Variants in KHDRBS2 observed in about 807,000 individuals in gnomAD.
KHDRBS2 encodes KH domain-containing, RNA-binding, signal transduction-associated protein 2.
KHDRBS2 carries 26 observed loss-of-function variants against 44.3 expected under a neutral mutation model. The observed-to-expected ratio is 0.59, with a 90% confidence interval of 0.43 to 0.81. The LOEUF (loss-of-function observed/expected upper bound fraction) is 0.81. KHDRBS2 is among the 40% of genes least tolerant of loss of function. KHDRBS2 has a pLI of 0.00. For missense variants in KHDRBS2, 476 were observed against 433.1 expected, an observed-to-expected ratio of 1.10 and a Z score of -0.88; for synonymous variants, 194 against 151.1, an observed-to-expected ratio of 1.28 and a Z score of -2.08.
At chr6:62,176,422 G>C (rs1257553084) in intron 2 of KHDRBS2, among the ~76,000 whole-genome samples, 1 of 151,246 alleles carries the variant, frequency 6.6e-6, no homozygotes, top group Non-Finnish European at 1.5e-5. Flanking sequence ...TGGTAAACCA[G>C]AGCATTTATT....
intron 5 of KHDRBS2, among the ~76,000 whole-genome samples, chr6:61,895,775 A>G (rs575782683): frequency 1.3e-5 from 2 of 152,116 alleles, no homozygotes; most frequent in East Asian, 1.9e-4. Flanking sequence ...AGCTTTGGGG[A>G]AAAAAATGAT....
chr6:61,899,522 T>C (rs1353783157), intron 5 of KHDRBS2, among the ~76,000 whole-genome samples: 4 of 151,962 alleles, frequency 2.6e-5, no homozygotes, highest in Non-Finnish European at 5.9e-5. Context: ...TAAGAAGATA[T>C]ATTAAAATCC....
intron 2 of KHDRBS2, among the ~76,000 whole-genome samples, chr6:62,175,844 C>T (rs1275701764): frequency 6.6e-6 from 1 of 151,416 alleles, no homozygotes; most frequent in Non-Finnish European, 1.5e-5. Context: ...ACTTAAAGAG[C>T]CATCAAGACT....
chr6:61,997,932 A>C (rs1777525769), intron 3 of KHDRBS2, among the ~76,000 whole-genome samples: 1 of 152,210 alleles, frequency 6.6e-6, no homozygotes, highest in Admixed American at 6.6e-5. Flanking sequence ...ATGACTAAGA[A>C]AAATGCTTAG....
At chr6:61,825,628 G>A (rs554738) in intron 6 of KHDRBS2, among the ~76,000 whole-genome samples, 3 of 151,990 alleles carry the variant, frequency 2.0e-5, no homozygotes, top group African/African-American at 4.8e-5. Flanking sequence ...CATAGTTACC[G>A]TTTAAAATTT....
intron 2 of KHDRBS2, among the ~76,000 whole-genome samples, chr6:62,074,569 A>G (rs1172586904): frequency 6.6e-6 from 1 of 151,898 alleles, no homozygotes; most frequent in African/African-American, 2.4e-5. Context: ...TACCTTCTAC[A>G]TATTTATACT....
At chr6:62,102,794 G>A (rs1461081811) in intron 2 of KHDRBS2, among the ~76,000 whole-genome samples, 2 of 152,148 alleles carry the variant, frequency 1.3e-5, no homozygotes, top group Admixed American at 1.3e-4. Flanking sequence ...CTGGGAGTGT[G>A]TCACTGCTTG....
intron 1 of KHDRBS2, among the ~76,000 whole-genome samples, chr6:62,218,796 AAG>A (rs1830427295): frequency 6.6e-6 from 1 of 151,908 alleles, no homozygotes. Flanking sequence ...TAACTGGATA[AAG>A]AAAATGAAGT....
the KHDRBS2 span, among the ~76,000 whole-genome samples, chr6:61,632,779 C>T: frequency 2.0e-5 from 3 of 151,956 alleles, no homozygotes; most frequent in South Asian, 4.2e-4. Context: ...CGCTGCCACA[C>T]GAAAATTAAC....
At chr6:62,272,770 A>T (rs1207119121) in intron 1 of KHDRBS2, among the ~76,000 whole-genome samples, 2 of 152,186 alleles carry the variant, frequency 1.3e-5, no homozygotes, top group African/African-American at 4.8e-5. Context: ...GTCCTATAAA[A>T]GGAGTCAGAA....
chr6:62,121,957 A>G (rs983033320), intron 2 of KHDRBS2, among the ~76,000 whole-genome samples: 3 of 152,084 alleles, frequency 2.0e-5, no homozygotes, highest in African/African-American at 7.2e-5. Context: ...GGCCCCTACT[A>G]CCACCAAGAA....
intron 1 of KHDRBS2, among the ~76,000 whole-genome samples, chr6:62,212,969 A>G (rs548657289): frequency 6.6e-5 from 10 of 152,308 alleles, no homozygotes; most frequent in African/African-American, 2.2e-4. Flanking sequence ...ATATATGAAT[A>G]AAGTGATTAA....
At chr6:62,238,695 C>T (rs1297395425) in intron 1 of KHDRBS2, among the ~76,000 whole-genome samples, 5 of 149,642 alleles carry the variant, frequency 3.3e-5, no homozygotes, top group South Asian at 2.1e-4. Flanking sequence ...TATACACACA[C>T]ACACACACAC....
At chr6:61,925,226 T>A (rs1028512328) in intron 4 of KHDRBS2, among the ~76,000 whole-genome samples, 1 of 151,994 alleles carries the variant, frequency 6.6e-6, no homozygotes, top group Non-Finnish European at 1.5e-5. Context: ...GTTGGAAAAA[T>A]GTGTTCAATC....
intron 3 of KHDRBS2, among the ~76,000 whole-genome samples, chr6:61,997,197 A>T (rs1366220781): frequency 6.6e-6 from 1 of 152,192 alleles, no homozygotes; most frequent in Non-Finnish European, 1.5e-5. Flanking sequence ...TAGATTGTTA[A>T]TATTCTTCTT....
intron 6 of KHDRBS2, among the ~76,000 whole-genome samples, chr6:61,888,313 C>A (rs79006899): frequency 0.01 from 1,538 of 152,262 alleles, 12 homozygotes; most frequent in Middle Eastern, 0.017. Context: ...AGACACCTGA[C>A]AACCCTGGCT....
chr6:62,016,552 T>A (rs1486072176), intron 3 of KHDRBS2, among the ~76,000 whole-genome samples: 1 of 149,120 alleles, frequency 6.7e-6, no homozygotes, highest in Non-Finnish European at 1.5e-5. Flanking sequence ...ATAAGTATAT[T>A]TATATAAATA....
At chr6:61,709,210 T>C (rs1423770046) in intron 7 of KHDRBS2, among the ~76,000 whole-genome samples, 4 of 151,676 alleles carry the variant, frequency 2.6e-5, no homozygotes, top group African/African-American at 9.7e-5. Flanking sequence ...AGAGATTTCA[T>C]CTTCTTGAAA....
the KHDRBS2 span, among the ~76,000 whole-genome samples, chr6:61,619,541 G>T: frequency 6.6e-6 from 1 of 152,128 alleles, no homozygotes; most frequent in Non-Finnish European, 1.5e-5. Context: ...TGCAACCTCT[G>T]CCTCCCGGAT....
Sources: allele counts gnomAD v4.1 joint callset (sites outside exome capture counted in the v4.1 genomes callset), GRCh38; gene constraint gnomAD v4.1.1; transcripts MANE v1.5; gene names NCBI Gene and HGNC (gene_info 2026-07-23, HGNC 2026-07-21).